Variants in NKAIN2 observed in about 807,000 individuals in gnomAD.
NKAIN2 encodes the protein sodium/potassium-transporting ATPase subunit beta-1-interacting protein 2.
Under a neutral mutation model 32.6 loss-of-function variants are expected in NKAIN2, and 14 were observed. The observed-to-expected ratio is 0.43, with a 90% CI of 0.28 to 0.67. NKAIN2 has a LOEUF of 0.67. NKAIN2 is among the 30% of genes least tolerant of loss of function. The pLI is 0.17. For synonymous variants in NKAIN2, 80 were observed against 87.2 expected, an observed-to-expected ratio of 0.92 and a Z score of 0.46; for missense variants, 198 against 258.3, an observed-to-expected ratio of 0.77 and a Z score of 1.60.
At chr6:123,976,057 C>G (rs1038080873) in intron 1 of NKAIN2, among the ~76,000 whole-genome samples, 1 of 151,512 alleles carries the variant, frequency 6.6e-6, no homozygotes, top group Admixed American at 6.6e-5. Context: ...CCTGCACATG[C>G]TTTCTTGTCT....
At chr6:124,210,171 ATCCAGTTTTC>A (rs990265543) in intron 1 of NKAIN2, among the ~76,000 whole-genome samples, 2 of 151,854 alleles carry the variant, frequency 1.3e-5, no homozygotes, top group African/African-American at 4.8e-5. Flanking sequence ...GCATAAGGAT[ATCCAGTTTTC>A]CTAGCACCAT....
At chr6:124,204,539 C>A (rs1341536891) in intron 1 of NKAIN2, among the ~76,000 whole-genome samples, 2 of 151,684 alleles carry the variant, frequency 1.3e-5, no homozygotes, top group African/African-American at 4.8e-5. Context: ...AGACATAATT[C>A]TTTCTTTTAT....
At chr6:124,755,893 T>A (rs1005802598) in intron 4 of NKAIN2, among the ~76,000 whole-genome samples, 2 of 152,172 alleles carry the variant, frequency 1.3e-5, no homozygotes, top group African/African-American at 4.8e-5. Flanking sequence ...TTTTAAACAT[T>A]TTTAAATGAA....
chr6:124,124,728 A>G (rs1038872787), intron 1 of NKAIN2, among the ~76,000 whole-genome samples: 2 of 152,286 alleles, frequency 1.3e-5, no homozygotes, highest in African/African-American at 4.8e-5. Context: ...GCATCACTGC[A>G]TGATTTAGTA....
intron 3 of NKAIN2, among the ~76,000 whole-genome samples, chr6:124,565,475 G>A (rs997467844): frequency 2.6e-5 from 4 of 152,168 alleles, no homozygotes; most frequent in African/African-American, 9.7e-5. Flanking sequence ...TATGTCGATT[G>A]CCATTCTAAA....
chr6:123,820,977 C>A (rs928530), intron 1 of NKAIN2, among the ~76,000 whole-genome samples: 5 of 152,050 alleles, frequency 3.3e-5, no homozygotes, highest in African/African-American at 1.2e-4. Flanking sequence ...CAAACCATAG[C>A]GGGGAAAACA....
chr6:124,416,373 G>A (rs1774488571), intron 3 of NKAIN2, among the ~76,000 whole-genome samples: 1 of 152,172 alleles, frequency 6.6e-6, no homozygotes, highest in Admixed American at 6.5e-5. Flanking sequence ...GCCAGCTATG[G>A]TGGCCCATAC....
chr6:124,383,562 G>T (rs1772746925), intron 3 of NKAIN2, among the ~76,000 whole-genome samples: 1 of 152,042 alleles, frequency 6.6e-6, no homozygotes, highest in Non-Finnish European at 1.5e-5. Flanking sequence ...TGCTCTTGTG[G>T]CCACACACGT....
chr6:124,181,788 A>G (rs1473069355), intron 1 of NKAIN2, among the ~76,000 whole-genome samples: 1 of 152,132 alleles, frequency 6.6e-6, no homozygotes, highest in Non-Finnish European at 1.5e-5. Context: ...TTTACTGTCC[A>G]TATCACTATC....
At chr6:124,136,693 C>T (rs1360881667) in intron 1 of NKAIN2, among the ~76,000 whole-genome samples, 1 of 151,944 alleles carries the variant, frequency 6.6e-6, no homozygotes, top group Non-Finnish European at 1.5e-5. Context: ...GATGCAGGGA[C>T]GGTTTAACAT....
intron 1 of NKAIN2, among the ~76,000 whole-genome samples, chr6:124,134,095 GA>G (rs1786611351): frequency 7.0e-6 from 1 of 142,910 alleles, no homozygotes; most frequent in African/African-American, 2.6e-5. Context: ...GAGATACCAA[GA>G]AAAAGGTGAA....
intron 4 of NKAIN2, among the ~76,000 whole-genome samples, chr6:124,693,030 T>C (rs1389764277): frequency 6.6e-6 from 1 of 152,162 alleles, no homozygotes; most frequent in Non-Finnish European, 1.5e-5. Flanking sequence ...CTGGCCAGTA[T>C]TTACACTGAA....
At chr6:124,619,697 T>C (rs956521456) in intron 3 of NKAIN2, among the ~76,000 whole-genome samples, 3 of 152,168 alleles carry the variant, frequency 2.0e-5, no homozygotes, top group African/African-American at 7.2e-5. Flanking sequence ...AAGGAATCTT[T>C]GAATTATACC....
Position 124,791,358 on chromosome 6 carries a change from C to T in NKAIN2, c.494C>T (p.Ala165Val), listed in dbSNP as rs1779734794. The T allele has an allele frequency of 6.2e-7, 1 of 1,609,558 alleles. No individual in the cohort carries two copies. Among genetic ancestry groups the T allele is most frequent in the South Asian group, 1.1e-5 (1 of 90,574 alleles). Residue 165 changes from alanine (A) to valine (V), a missense_variant, in exon 5 of 7, where the codon GCC becomes GTC. Physicochemically the swap from Ala to Val is moderately conservative, Grantham distance 64. Transcript: ENST00000368417. ...TTTCAGCTGGCAGGTTTCATCTACG[C>T]CTGTTATGTTGTGAAATGTATAACT... ...IVLALAGFIY[A>V]CYVVKCITEE...
At chr6:124,724,614 T>C (rs983842677) in intron 4 of NKAIN2, among the ~76,000 whole-genome samples, 13 of 152,204 alleles carry the variant, frequency 8.5e-5, no homozygotes, top group African/African-American at 2.9e-4. Flanking sequence ...GAATAAAGGA[T>C]AGAATGAGTT....
At chr6:123,943,877 T>C (rs973909917) in intron 1 of NKAIN2, among the ~76,000 whole-genome samples, 14 of 152,208 alleles carry the variant, frequency 9.2e-5, no homozygotes, top group African/African-American at 3.1e-4. Context: ...AGTGATATTG[T>C]AATAATGTTA....
chr6:124,758,386 G>A (rs149505505), intron 4 of NKAIN2, among the ~76,000 whole-genome samples: 5 of 152,204 alleles, frequency 3.3e-5, no homozygotes, highest in Admixed American at 6.5e-5. Flanking sequence ...CCCTGTGAGG[G>A]CACAGAGAGA....
At chr6:124,812,302 A>G (rs2114862871) in intron 5 of NKAIN2, among the ~76,000 whole-genome samples, 1 of 152,280 alleles carries the variant, frequency 6.6e-6, no homozygotes, top group South Asian at 2.1e-4. Context: ...TTCACTTGGA[A>G]GTTTTACTAG....
chr6:123,839,104 C>T (rs900237855), intron 1 of NKAIN2, among the ~76,000 whole-genome samples: 1 of 152,008 alleles, frequency 6.6e-6, no homozygotes, highest in Non-Finnish European at 1.5e-5. Flanking sequence ...GGGAGAGGGA[C>T]TCTGTGTGTC....
Sources: gnomAD v4.1 joint callset for allele counts (sites outside exome capture counted in the v4.1 genomes callset) on GRCh38, gnomAD v4.1.1 for gene constraint, MANE v1.5 for transcripts, NCBI Gene and HGNC (gene_info 2026-07-23, HGNC 2026-07-21) for gene names.